LY75: variants seen among roughly 807,000 people sequenced by gnomAD.
LY75 encodes the protein C-type lectin domain family 13 member B.
In LY75, 185 loss-of-function variants were observed where a neutral mutation model predicts 231.7. That is an observed-to-expected ratio of 0.80 (90% CI 0.71 to 0.90). The LOEUF is 0.90. Among genes scored for constraint, LY75 ranks in the 40% least tolerant of loss-of-function variants. The probability of loss-of-function intolerance (pLI) is 0.00; values close to 1 mark genes in which losing one functional copy is unlikely to be tolerated. For missense variants in LY75, 1,947 were observed against 2,050.2 expected (o/e 0.95, Z 0.97); for synonymous variants, 668 against 689.0 (o/e 0.97, Z 0.48).
intron 12 of LY75, among the ~76,000 whole-genome samples, chr2:159,874,652 TTGTAAATATATATATATTTTGTAAATATA>T (rs1685176638): frequency 3.0e-5 from 4 of 132,694 alleles, no homozygotes; most frequent in Non-Finnish European, 6.1e-5. Flanking sequence ...TATATATATT[TTGTAAATATATATATATTTTGTAAATATA>T]TGTAAATATA....
chr2:159,840,882 G>A lies in LY75; in HGVS notation c.3354C>T (p.Ile1118=). The change falls in exon 25 of 35, where the codon ATC becomes ATT. Residue 1118 remains isoleucine (I), a synonymous_variant. Transcript: ENST00000263636. The stretch of plus-strand genomic sequence containing the variant: ...CACTGTGCCAAGTCAGAGTCTTTGG[G>A]ATTATTTTGTACAGATTATTTAGAT... ...VKYLNNLYKI[I]PKTLTWHSAK... is the part of the protein sequence containing the mutation. The A allele has an allele frequency of 1.9e-6, 3 of 1,614,034 alleles. No homozygotes were observed. Among genetic ancestry groups the A allele is most frequent in the Non-Finnish European group, 2.5e-6 (3 of 1,179,964 alleles).
intron 30 of LY75, 150 bp from the exon 31 acceptor site, chr2:159,815,723 G>T: frequency 1.0e-6 from 1 of 971,442 alleles, no homozygotes; most frequent in Non-Finnish European, 1.5e-6. Flanking sequence ...ATTATTGTAG[G>T]TCTGATTTAC....
At chr2:159,833,129 CTTTT>C (rs5835769) in intron 27 of LY75, among the ~76,000 whole-genome samples, 1 of 133,994 alleles carries the variant, frequency 7.5e-6, no homozygotes, top group African/African-American at 2.8e-5. Flanking sequence ...TTCCCCCTTC[CTTTT>C]TTTTTTTTTT....
intron 1 of LY75, 113 bp downstream of exon 1, chr2:159,904,476 G>T: frequency 2.5e-6 from 3 of 1,212,770 alleles, no homozygotes; most frequent in Non-Finnish European, 3.3e-6. Context: ...CGCCCCAACA[G>T]CAAAGCAGCC....
In LY75 at chr2:159,826,001, A is replaced by G. The variant is rs577853505; in HGVS notation, c.3958+5669T>C. On this transcript the variant is annotated intron_variant, in intron 28 of 34. Transcript: ENST00000263636. ...ATGATAAACCCACAGCCAGTATCAT[A>G]CTGAATGGGCAAAAACTGGAAGCAT... Among the ~76,000 whole-genome samples, 10 of 152,328 alleles carry G rather than the reference A, an allele frequency of 6.6e-5. No individual in the cohort carries two copies. The East Asian group carries it at 1.9e-3, about 29-fold the overall frequency.
In LY75 at chr2:159,882,079, TA is replaced by T. The variant is rs1273863098; in HGVS notation, c.1246+44del. The T allele has an allele frequency of 1.9e-6, 3 of 1,566,014 alleles. No homozygotes were observed. In the African/African-American group the frequency reaches 4.1e-5, roughly 21 times the overall value. The stretch of plus-strand genomic sequence containing the variant: ...AAAGAGTCTAAAACCAGGGATACTT[TA>T]AAATGGCTTAAGCCTCTCAAATAGG... On this transcript the variant is annotated intron_variant, in intron 7 of 34. Coordinates refer to ENST00000263636, the MANE Select transcript of LY75 (RefSeq NM_002349.4).
intron 1 of LY75, among the ~76,000 whole-genome samples, chr2:159,902,013 G>A (rs887831672): frequency 5.3e-5 from 8 of 152,222 alleles, no homozygotes; most frequent in African/African-American, 1.9e-4. Flanking sequence ...AAGGAGGACT[G>A]AGAAAGTGTG....
At chr2:159,898,661 C>A (rs377072754) in intron 2 of LY75, 27 bp downstream of exon 2, 1 of 1,581,996 alleles carries the variant, frequency 6.3e-7, no homozygotes. Context: ...AACAGCAAAT[C>A]GGTCAAAGTC....
At chr2:159,812,529 A>C (rs1682991406) in intron 31 of LY75, among the ~76,000 whole-genome samples, 1 of 152,088 alleles carries the variant, frequency 6.6e-6, no homozygotes, top group South Asian at 2.1e-4. Flanking sequence ...CTCCTGCCTC[A>C]GTTTCCCAAG....
Position 159,805,009 on chromosome 2 carries a change from C to A in LY75, c.*35G>T. Reference sequence around the variant, plus strand: ...ATTTTAAGTGACTAATTTCTCATAACACATTAGTGCAAATTAGAAAACTTT... The same window carrying A: ...ATTTTAAGTGACTAATTTCTCATAAAACATTAGTGCAAATTAGAAAACTTT... On this transcript the variant is annotated 3_prime_UTR_variant, in exon 35 of 35. Coordinates refer to ENST00000263636, the MANE Select transcript of LY75 (RefSeq NM_002349.4). 1.3e-6 allele frequency: 2 copies of A among 1,550,672 alleles called. No homozygotes were observed. The highest frequency in any genetic ancestry group is 1.8e-6 in the Non-Finnish European group (2 of 1,125,426).
intron 13 of LY75, chr2:159,872,237 G>T (rs911954677): frequency 2.0e-6 from 1 of 507,270 alleles, no homozygotes; most frequent in Non-Finnish European, 3.3e-6. Context: ...TAAACAAAGG[G>T]TAGGGAATAC....
At chr2:159,882,574 T>C (rs192136119) in intron 6 of LY75, among the ~76,000 whole-genome samples, 2 of 152,308 alleles carry the variant, frequency 1.3e-5, no homozygotes, top group Admixed American at 1.3e-4. Context: ...CACAGACTAT[T>C]AAGGGCTTGG....
At chr2:159,869,291 A>C (rs1397718633) in intron 13 of LY75, among the ~76,000 whole-genome samples, 1 of 151,756 alleles carries the variant, frequency 6.6e-6, no homozygotes, top group Non-Finnish European at 1.5e-5. Flanking sequence ...TAGAACTTAA[A>C]GTATAATAAT....
In LY75 at chr2:159,890,231, C is replaced by T. The variant is rs1157758219; in HGVS notation, c.784G>A (p.Glu262Lys). ...ADLLSINSAA[E>K]LTYLKEKEGI... The stretch of plus-strand genomic sequence containing the variant: ...AATCTACCTTTAAGGTAAGTTAATT[C>T]AGCAGCACTGTTGATGCTCAGTAAA... The change falls in exon 4 of 35, where the codon GAA becomes AAA. Residue 262 changes from glutamate (E) to lysine (K), a missense_variant. Transcript: ENST00000263636. The T allele has an allele frequency of 6.2e-7, 1 of 1,612,546 alleles. No homozygotes were observed. The highest frequency in any genetic ancestry group is 1.3e-5 in the African/African-American group (1 of 74,828).
intron 22 of LY75, 33 bp from the exon 23 acceptor site, chr2:159,850,173 T>C (rs763323646): frequency 1.1e-5 from 17 of 1,577,230 alleles, no homozygotes; most frequent in Non-Finnish European, 1.5e-5. Flanking sequence ...AAGCATTTGA[T>C]TTATTCAAAT....
chr2:159,870,991 T>C (rs1232698600), intron 13 of LY75, among the ~76,000 whole-genome samples: 1 of 152,158 alleles, frequency 6.6e-6, no homozygotes, highest in Non-Finnish European at 1.5e-5. Context: ...TTTATCTTAA[T>C]GTGCAGGAGT....
At position 159,840,824 on chromosome 2, in the gene LY75, G is replaced by A. The variant is rs373016734; in HGVS notation, c.3412C>T (p.Leu1138=). 12 of 1,614,126 alleles carry A rather than the reference G, an allele frequency of 7.4e-6. No homozygotes were observed. Among genetic ancestry groups the A allele is most frequent in the Admixed American group, 6.7e-5 (4 of 60,014 alleles). ...KRECLKSNMQ[L]VSITDPYQQA... ...TGGTAAGGGTCCGTGATGCTCACCA[G>A]CTGCATGTTACTTTTCAGACACTCC... The change falls in exon 25 of 35, where the codon CTG becomes TTG. Residue 1138 remains leucine (L), a synonymous_variant. Coordinates refer to ENST00000263636, the MANE Select transcript of LY75 (RefSeq NM_002349.4).
chr2:159,855,467 G>A (rs1684521535), intron 16 of LY75, among the ~76,000 whole-genome samples: 1 of 152,210 alleles, frequency 6.6e-6, no homozygotes, highest in Admixed American at 6.5e-5. Flanking sequence ...TTGAGAAGAT[G>A]AGACAAAACT....
At chr2:159,897,888 G>A (rs1173412196) in intron 2 of LY75, among the ~76,000 whole-genome samples, 2 of 151,996 alleles carry the variant, frequency 1.3e-5, no homozygotes, top group Non-Finnish European at 2.9e-5. Flanking sequence ...CTAGACTCAG[G>A]GCTAAGTCCA....
Sources: gnomAD v4.1 joint callset for allele counts (sites outside exome capture counted in the v4.1 genomes callset) on GRCh38, gnomAD v4.1.1 for gene constraint, MANE v1.5 for transcripts, NCBI Gene and HGNC (gene_info 2026-07-23, HGNC 2026-07-21) for gene names.